KIAA1671: variants seen among roughly 807,000 people sequenced by gnomAD.
KIAA1671 encodes the protein uncharacterized protein KIAA1671.
KIAA1671 carries 52 observed loss-of-function variants against 131.2 expected under a neutral mutation model. The ratio of observed to expected loss-of-function variants is 0.40; its 90% CI spans 0.32 to 0.50. The LOEUF (loss-of-function observed/expected upper bound fraction) is 0.50. Ranked by LOEUF, KIAA1671 falls within the 20% of genes least tolerant of loss-of-function variation. KIAA1671 has a pLI of 0.73. For synonymous variants in KIAA1671, 1,003 were observed against 961.6 expected (o/e 1.04, Z -0.80); for missense variants, 2,360 against 2,364.2 (o/e 1.00, Z 0.04).
intron 6 of KIAA1671, among the ~76,000 whole-genome samples, chr22:25,125,000 C>T (rs1202122178): frequency 6.6e-6 from 1 of 152,202 alleles, no homozygotes; most frequent in Non-Finnish European, 1.5e-5. Context: ...CTCCAGCAGT[C>T]CTCCTGCTTC....
chr22:24,995,541 G>T (rs1924088721), intron 1 of KIAA1671, among the ~76,000 whole-genome samples: 1 of 151,666 alleles, frequency 6.6e-6, no homozygotes, highest in South Asian at 2.1e-4. Context: ...TGTATTCTCT[G>T]TAGAGACTGG....
intron 12 of KIAA1671, among the ~76,000 whole-genome samples, 187 bp from the exon 13 acceptor site, chr22:25,192,219 G>C (rs1410227917): frequency 6.6e-6 from 1 of 152,004 alleles, no homozygotes; most frequent in Non-Finnish European, 1.5e-5. Context: ...TGGTTTCACT[G>C]TATTCCATGC....
intron 6 of KIAA1671, among the ~76,000 whole-genome samples, chr22:25,090,749 A>G (rs568931103): frequency 6.6e-6 from 1 of 152,378 alleles, no homozygotes; most frequent in East Asian, 1.9e-4. Flanking sequence ...ATTTTATCAC[A>G]GGCTCAGACA....
intron 11 of KIAA1671, among the ~76,000 whole-genome samples, chr22:25,188,626 C>T (rs935820533): frequency 6.6e-6 from 1 of 152,116 alleles, no homozygotes; most frequent in Non-Finnish European, 1.5e-5. Flanking sequence ...AGAAGCCTCA[C>T]TCATAACCAC....
chr22:25,014,278 A>T (rs1008227338), intron 1 of KIAA1671: 4 of 152,216 alleles, frequency 2.6e-5, no homozygotes, highest in Non-Finnish European at 5.9e-5. Flanking sequence ...TTTGAAATGA[A>T]ACAATAACAA....
chr22:25,022,538 T>G (rs1345777377), intron 1 of KIAA1671: 1 of 152,246 alleles, frequency 6.6e-6, no homozygotes, highest in Admixed American at 6.5e-5. Context: ...CTGTTGCTCT[T>G]GGGTGACCCC....
At position 25,037,364 on chromosome 22, in the gene KIAA1671, GTGTATATA is replaced by G. The variant is rs1160714339; in HGVS notation, c.1630-1384_1630-1377del. Among the ~76,000 whole-genome samples the G allele has an allele frequency of 2.2e-4, 33 of 151,786 alleles. 2 individuals are homozygous for G. Among genetic ancestry groups the G allele is most frequent in the African/African-American group, 7.7e-4 (32 of 41,366 alleles). ...GTGTATATTGCAAAAAAATATATAT[GTGTATATA>G]TGTATATATGTGTATATATGTATAT... On this transcript the variant is annotated intron_variant, in intron 4 of 12. Coordinates refer to ENST00000358431, the MANE Select transcript of KIAA1671 (RefSeq NM_001145206.2).
In KIAA1671 at chr22:24,978,785, G is replaced by C. The variant is rs191601863; in HGVS notation, c.-208+26013G>C. ...TACAGCCTCCGCCTCCTGGGTTCAAGAGATTCTCCTGCTTCAGCCTCCTGA... is the reference window on the plus strand; with the variant it reads ...TACAGCCTCCGCCTCCTGGGTTCAACAGATTCTCCTGCTTCAGCCTCCTGA... On this transcript the variant is annotated intron_variant, in intron 1 of 12. Coordinates refer to ENST00000358431, the MANE Select transcript of KIAA1671 (RefSeq NM_001145206.2). 7.2e-5 allele frequency among the ~76,000 whole-genome samples: 11 copies of C among 152,294 alleles called. No homozygotes were observed. In the East Asian group the frequency reaches 1.9e-3, roughly 27 times the overall value.
At chr22:25,015,603 G>C (rs1925269907) in intron 1 of KIAA1671, among the ~76,000 whole-genome samples, 2 of 152,288 alleles carry the variant, frequency 1.3e-5, no homozygotes, top group South Asian at 4.1e-4. Context: ...GCTTTAGAGG[G>C]CCTAAAAGGC....
At position 25,040,636 on chromosome 22, in the gene KIAA1671, G is replaced by A. The variant is rs981783610; in HGVS notation, c.3506G>A (p.Arg1169His). Residue 1169 changes from arginine (R) to histidine (H), a missense_variant, in exon 5 of 13, where the codon CGT becomes CAT. Transcript: ENST00000358431. The stretch of plus-strand genomic sequence containing the variant: ...CAAACCACCCCGACTCTGAGGAGTC[G>A]TCCAAAAGATCTTCCTGTGAGAAGG... ...APQTTPTLRSRPKDLPVRRKT... is the reference protein window; with the variant it reads ...APQTTPTLRSHPKDLPVRRKT... 2.1e-5 allele frequency: 32 copies of A among 1,551,820 alleles called. No homozygotes were observed. The highest frequency in any genetic ancestry group is 3.6e-5 in the South Asian group (3 of 84,066).
At chr22:25,184,914 A>C in intron 10 of KIAA1671, 63 bp from the exon 11 acceptor site, 1 of 1,542,102 alleles carries the variant, frequency 6.5e-7, no homozygotes, top group South Asian at 1.2e-5. Context: ...TGACATTTGC[A>C]TGGGAGGGGG....
In KIAA1671 at chr22:25,105,512, C is replaced by T. The variant is rs1386698531; in HGVS notation, c.4530+56148C>T. ...ATGCCCAAAACATCCCAAGAGTTTC[C>T]TGGAGAGAACAGAAGACTTTGCAGA... On this transcript the variant is annotated intron_variant, in intron 6 of 12. Transcript: ENST00000358431. Among the ~76,000 whole-genome samples the T allele has an allele frequency of 2.6e-5, 4 of 152,200 alleles. No homozygotes were observed. The East Asian group carries it at 7.7e-4, about 29-fold the overall frequency.
chr22:25,029,069 AGAT>A lies in KIAA1671; in HGVS notation c.1072_1074del (p.Met358del). 1.3e-6 allele frequency: 2 copies of A among 1,501,534 alleles called. No homozygotes were observed. The highest frequency in any genetic ancestry group is 1.8e-6 in the Non-Finnish European group (2 of 1,123,468). 93.0% of individuals were successfully genotyped at this position (1,501,534 alleles called of 1,614,324 possible). On this transcript the variant is annotated inframe_deletion, in exon 3 of 13. Coordinates refer to ENST00000358431, the MANE Select transcript of KIAA1671 (RefSeq NM_001145206.2). ...AAGAAAATCCGTGAACGGAAGGAGA[AGAT>A]GCTTTCGAAGCCGGAGATGGGCAGC...
intron 1 of KIAA1671, among the ~76,000 whole-genome samples, chr22:25,002,346 C>T (rs1924522891): frequency 6.6e-6 from 1 of 152,124 alleles, no homozygotes; most frequent in African/African-American, 2.4e-5. Context: ...CTGACTCTGG[C>T]AGCACTGTTT....
chr22:25,061,491 C>G (rs1389347414), intron 6 of KIAA1671: 1 of 152,254 alleles, frequency 6.6e-6, no homozygotes, highest in African/African-American at 2.4e-5. Context: ...ATGCTTCACA[C>G]TTTATCCTCA....
intron 6 of KIAA1671, among the ~76,000 whole-genome samples, chr22:25,144,788 TCTA>T (rs1390907962): frequency 1.3e-5 from 2 of 152,176 alleles, no homozygotes; most frequent in Non-Finnish European, 2.9e-5. Context: ...TTCAAGCCTG[TCTA>T]CACCAGGGGT....
At chr22:24,987,308 C>CT (rs1923603705) in intron 1 of KIAA1671, among the ~76,000 whole-genome samples, 1 of 151,740 alleles carries the variant, frequency 6.6e-6, no homozygotes, top group South Asian at 2.1e-4. Context: ...GTAGCTGGGA[C>CT]TACAGGCGCC....
At chr22:25,048,205 AGT>A (rs1927351987) in intron 5 of KIAA1671, among the ~76,000 whole-genome samples, 1 of 152,168 alleles carries the variant, frequency 6.6e-6, no homozygotes, top group Non-Finnish European at 1.5e-5. Flanking sequence ...ATCTGAGATG[AGT>A]GTGAGCTTCC....
chr22:25,111,358 G>A (rs1931333944), intron 6 of KIAA1671, among the ~76,000 whole-genome samples: 1 of 152,240 alleles, frequency 6.6e-6, no homozygotes, highest in Non-Finnish European at 1.5e-5. Context: ...GACCGTGAGC[G>A]AGTTGGGACT....
Sources: allele counts gnomAD v4.1 joint callset (sites outside exome capture counted in the v4.1 genomes callset), GRCh38; gene constraint gnomAD v4.1.1; transcripts MANE v1.5; gene names NCBI Gene and HGNC (gene_info 2026-07-23, HGNC 2026-07-21).